Variants in TRAPPC9 observed in about 807,000 individuals in gnomAD.
TRAPPC9 encodes trafficking protein particle complex subunit 9, also known as IKK2 binding protein.
Under a neutral mutation model 124.0 loss-of-function variants are expected in TRAPPC9, and 83 were observed. That is an observed-to-expected ratio of 0.67 (90% CI 0.56 to 0.80). The LOEUF is 0.80. Ranked by LOEUF, TRAPPC9 falls within the 30% of genes least tolerant of loss-of-function variation. The pLI is 0.00. For missense variants in TRAPPC9, 1,302 were observed against 1,508.3 expected (o/e 0.86, Z 2.27); for synonymous variants, 638 against 617.5 (o/e 1.03, Z -0.49).
intron 9 of TRAPPC9, among the ~76,000 whole-genome samples, chr8:140,359,244 A>G (rs2067855992): frequency 6.6e-6 from 1 of 151,970 alleles, no homozygotes; most frequent in Admixed American, 6.6e-5. Context: ...ACGTCCCAAT[A>G]CACTCTGCAC....
chr8:139,983,264 C>G (rs549067242), intron 19 of TRAPPC9, among the ~76,000 whole-genome samples: 1 of 152,112 alleles, frequency 6.6e-6, no homozygotes, highest in African/African-American at 2.4e-5. Flanking sequence ...AGAATCTGCC[C>G]AGCGTCTTGA....
chr8:140,365,808 T>C (rs150037130), intron 8 of TRAPPC9, among the ~76,000 whole-genome samples: 1 of 152,342 alleles, frequency 6.6e-6, no homozygotes, highest in East Asian at 1.9e-4. Context: ...GGGCTACAAG[T>C]GAAGGTTACA....
intron 21 of TRAPPC9, among the ~76,000 whole-genome samples, chr8:139,882,482 C>T (rs544644012): frequency 2.8e-4 from 43 of 152,258 alleles, no homozygotes; most frequent in South Asian, 1.2e-3. Context: ...TTTCTCTCAC[C>T]CTGTCCCCCT....
intron 16 of TRAPPC9, among the ~76,000 whole-genome samples, chr8:140,229,251 C>CTTTTTTTTTTTTTTTTTTTTTT (rs528175891): frequency 3.0e-5 from 3 of 99,832 alleles, no homozygotes; most frequent in Admixed American, 1.0e-4. Context: ...TTTTCTTTTT[C>CTTTTTTTTTTTTTTTTTTTTTT]TTTTTTTTTT....
intron 5 of TRAPPC9, among the ~76,000 whole-genome samples, chr8:140,410,741 G>A (rs1166680057): frequency 6.6e-6 from 1 of 151,954 alleles, no homozygotes; most frequent in Non-Finnish European, 1.5e-5. Context: ...TACTCGGGAG[G>A]CTGAGGCAGG....
At chr8:139,748,548 G>T (rs1240878632) in intron 21 of TRAPPC9, among the ~76,000 whole-genome samples, 4 of 151,798 alleles carry the variant, frequency 2.6e-5, no homozygotes, top group Non-Finnish European at 5.9e-5. Context: ...GGTCAGAGCG[G>T]GTGTGTGGAG....
At chr8:140,411,239 C>T (rs952987778) in intron 5 of TRAPPC9, among the ~76,000 whole-genome samples, 17 of 152,324 alleles carry the variant, frequency 1.1e-4, no homozygotes, top group African/African-American at 3.8e-4. Flanking sequence ...AGTGACCAGA[C>T]CTTGGTTTCT....
intron 19 of TRAPPC9, among the ~76,000 whole-genome samples, chr8:139,969,072 C>T (rs1015464122): frequency 8.5e-5 from 13 of 152,210 alleles, no homozygotes; most frequent in Admixed American, 2.0e-4. Context: ...TCTGAACACA[C>T]GTACGCACAC....
chr8:140,452,611 A>G (rs2071505664), intron 1 of TRAPPC9, among the ~76,000 whole-genome samples: 2 of 152,134 alleles, frequency 1.3e-5, no homozygotes, highest in African/African-American at 4.8e-5. Flanking sequence ...ATTTTGTCAG[A>G]TATAAAAAGA....
At position 140,399,326 on chromosome 8, in the gene TRAPPC9, G is replaced by A. The variant is rs149829435; in HGVS notation, c.1009-1581C>T. Among the ~76,000 whole-genome samples, 630 of 152,336 alleles carry A rather than the reference G, an allele frequency of 4.1e-3. 6 individuals are homozygous for A. The highest frequency in any genetic ancestry group is 0.014 in the African/African-American group (601 of 41,580). The stretch of plus-strand genomic sequence containing the variant: ...GCCACCATCCTGCAGACCCCAGAAT[G>A]GCAGATCCACTGACAGCTTGCACTG... On this transcript the variant is annotated intron_variant, in intron 6 of 22. Coordinates refer to ENST00000438773, the MANE Select transcript of TRAPPC9 (RefSeq NM_001160372.4).
chr8:140,059,786 CAA>C (rs1842491926), intron 17 of TRAPPC9, among the ~76,000 whole-genome samples: 1 of 152,186 alleles, frequency 6.6e-6, no homozygotes, highest in Admixed American at 6.5e-5. Flanking sequence ...TATTGAGTAA[CAA>C]AATTTATTCA....
intron 19 of TRAPPC9, among the ~76,000 whole-genome samples, chr8:139,937,199 G>A (rs553065424): frequency 6.6e-6 from 1 of 152,274 alleles, no homozygotes; most frequent in South Asian, 2.1e-4. Context: ...TGTTCTTGAA[G>A]AGTAACAGTA....
intron 19 of TRAPPC9, among the ~76,000 whole-genome samples, chr8:139,960,877 C>T (rs1835334582): frequency 8.0e-6 from 1 of 124,838 alleles, no homozygotes; most frequent in Admixed American, 8.4e-5. Context: ...CAGTGGTGCC[C>T]GTGAGGAGCC....
intron 17 of TRAPPC9, among the ~76,000 whole-genome samples, chr8:140,078,694 G>C (rs1164149729): frequency 6.6e-6 from 1 of 152,078 alleles, no homozygotes; most frequent in Non-Finnish European, 1.5e-5. Flanking sequence ...ATCTTCTGAG[G>C]AGCCCATGCA....
chr8:140,131,354 AT>A (rs1563785028), intron 17 of TRAPPC9, among the ~76,000 whole-genome samples: 1 of 152,224 alleles, frequency 6.6e-6, no homozygotes, highest in Non-Finnish European at 1.5e-5. Context: ...TATTGAGAGT[AT>A]CTGCTAAAAA....
intron 17 of TRAPPC9, among the ~76,000 whole-genome samples, chr8:140,178,652 T>C (rs1446870691): frequency 6.6e-6 from 1 of 152,106 alleles, no homozygotes; most frequent in Non-Finnish European, 1.5e-5. Context: ...AATTGGGAAA[T>C]GTTCCCTCCT....
intron 19 of TRAPPC9, chr8:139,931,739 T>A (rs1833157633): frequency 6.2e-6 from 1 of 160,552 alleles, no homozygotes; most frequent in Non-Finnish European, 1.4e-5. Context: ...TCCTGATAAG[T>A]CTGAGGCTCT....
At chr8:139,828,186 T>C (rs925741823) in intron 21 of TRAPPC9, among the ~76,000 whole-genome samples, 4 of 152,152 alleles carry the variant, frequency 2.6e-5, no homozygotes, top group African/African-American at 9.6e-5. Flanking sequence ...TCCACACCTC[T>C]CCCCAGCATG....
In TRAPPC9 at chr8:140,434,549, AG is replaced by A. The variant is rs1166555024; in HGVS notation, c.859+562del. 2.0e-5 allele frequency among the ~76,000 whole-genome samples: 3 copies of A among 152,376 alleles called. No individual in the cohort carries two copies. The South Asian group carries it at 6.2e-4, about 32-fold the overall frequency. ...AAAATTATAAAAAAGACTTAGACACAGAACCTCAAGTCTGTTCTACCAGGAA... is the reference window on the plus strand; with the variant it reads ...AAAATTATAAAAAAGACTTAGACACAAACCTCAAGTCTGTTCTACCAGGAA... On this transcript the variant is annotated intron_variant, in intron 4 of 22. Coordinates refer to ENST00000438773, the MANE Select transcript of TRAPPC9 (RefSeq NM_001160372.4).
Sources: allele counts gnomAD v4.1 joint callset (sites outside exome capture counted in the v4.1 genomes callset), GRCh38; gene constraint gnomAD v4.1.1; transcripts MANE v1.5; gene names NCBI Gene and HGNC (gene_info 2026-07-23, HGNC 2026-07-21).